Variants in INPP4B observed in about 807,000 individuals in gnomAD.
The protein encoded by INPP4B is inositol polyphosphate 4-phosphatase type II.
A neutral mutation model predicts 122.5 loss-of-function variants in INPP4B; 55 were observed. The ratio of observed to expected loss-of-function variants is 0.45; its 90% CI spans 0.36 to 0.56. The LOEUF is 0.56. Ranked by LOEUF, INPP4B falls within the 20% of genes least tolerant of loss-of-function variation. The pLI, the probability that INPP4B is intolerant of heterozygous loss-of-function variation, is 0.00. For missense variants in INPP4B, 1,000 were observed against 1,097.7 expected, an observed-to-expected ratio of 0.91 and a Z score of 1.26; for synonymous variants, 403 against 388.7, an observed-to-expected ratio of 1.04 and a Z score of -0.43.
At chr4:142,147,594 T>C (rs562505109) in intron 17 of INPP4B, among the ~76,000 whole-genome samples, 1 of 152,304 alleles carries the variant, frequency 6.6e-6, no homozygotes, top group African/African-American at 2.4e-5. Flanking sequence ...GGGAGCCAAA[T>C]GCTGTGTTTT....
At chr4:142,053,474 A>G (rs1755762696) in intron 25 of INPP4B, among the ~76,000 whole-genome samples, 1 of 152,080 alleles carries the variant, frequency 6.6e-6, no homozygotes, top group African/African-American at 2.4e-5. Flanking sequence ...CACTGGTGAT[A>G]TTGGTACTAG....
rs1748542046 is a variant in INPP4B at position 142,042,539 on chromosome 4, T to C, written c.2643-13625A>G. ...GTGTGTATGTATGTATGTATGTATGTATGTATGTATGTATGTATGTATTTA... is the reference window on the plus strand; with the variant it reads ...GTGTGTATGTATGTATGTATGTATGCATGTATGTATGTATGTATGTATTTA... On this transcript the variant is annotated intron_variant, in intron 25 of 25. Coordinates refer to ENST00000262992, the MANE Select transcript of INPP4B (RefSeq NM_001101669.3). Among the ~76,000 whole-genome samples, 5 of 92,432 alleles carry C rather than the reference T, an allele frequency of 5.4e-5. No homozygotes were observed. In the South Asian group the frequency reaches 1.7e-3, roughly 31 times the overall value. 60.6% of individuals were successfully genotyped at this position (92,432 alleles called of 152,430 possible).
At chr4:142,357,357 T>C (rs1783951534) in intron 7 of INPP4B, among the ~76,000 whole-genome samples, 1 of 151,980 alleles carries the variant, frequency 6.6e-6, no homozygotes, top group African/African-American at 2.4e-5. Context: ...TAGAATTAAA[T>C]TGCTGAACAC....
intron 1 of INPP4B, among the ~76,000 whole-genome samples, chr4:142,788,019 C>T (rs1775990457): frequency 6.6e-6 from 1 of 151,946 alleles, no homozygotes; most frequent in Non-Finnish European, 1.5e-5. Flanking sequence ...ATGGGAGCAA[C>T]TGGATTGCTT....
At chr4:142,656,467 C>G (rs372865855) in intron 2 of INPP4B, among the ~76,000 whole-genome samples, 35 of 152,256 alleles carry the variant, frequency 2.3e-4, no homozygotes, top group African/African-American at 7.9e-4. Context: ...ACCCCTACCC[C>G]CTGTGGATCC....
Position 142,134,797 on chromosome 4 carries a change from C to CAA in INPP4B, c.1721-10039_1721-10038dup, listed in dbSNP as rs58297348. 1.2e-3 allele frequency among the ~76,000 whole-genome samples: 64 copies of CAA among 51,232 alleles called. 1 individual carries two copies. Among genetic ancestry groups the CAA allele is most frequent in the East Asian group, 2.3e-3 (3 of 1,322 alleles). 33.6% of individuals were successfully genotyped at this position (51,232 alleles called of 152,430 possible). ...GGGCAACAAGAGCGAAACTCTGTCT[C>CAA]AAAAAAAAAAAAAAAAAAAAAAAAA... On this transcript the variant is annotated intron_variant, in intron 18 of 25. Coordinates refer to ENST00000262992, the MANE Select transcript of INPP4B (RefSeq NM_001101669.3).
intron 2 of INPP4B, among the ~76,000 whole-genome samples, chr4:142,491,106 G>C (rs1269923325): frequency 6.6e-6 from 1 of 152,036 alleles, no homozygotes; most frequent in Non-Finnish European, 1.5e-5. Context: ...GGATCATAAG[G>C]TAGTTCTATT....
intron 7 of INPP4B, among the ~76,000 whole-genome samples, chr4:142,352,236 A>G (rs1040107695): frequency 1.3e-5 from 2 of 151,990 alleles, no homozygotes; most frequent in African/African-American, 4.8e-5. Flanking sequence ...AGCAAAGCCT[A>G]ATCAAGTTGA....
chr4:142,784,096 C>T (rs1357682329), intron 1 of INPP4B, among the ~76,000 whole-genome samples: 1 of 152,110 alleles, frequency 6.6e-6, no homozygotes, highest in African/African-American at 2.4e-5. Context: ...GGCACAGTGG[C>T]TCATGCTTAT....
intron 1 of INPP4B, among the ~76,000 whole-genome samples, chr4:142,829,708 T>C (rs1781881548): frequency 6.6e-6 from 1 of 152,178 alleles, no homozygotes; most frequent in African/African-American, 2.4e-5. Context: ...CAAGTTGAAA[T>C]TGTATAACAT....
At chr4:142,611,630 C>CTTTT (rs1560863610) in intron 2 of INPP4B, among the ~76,000 whole-genome samples, 1 of 90,734 alleles carries the variant, frequency 1.1e-5, no homozygotes, top group African/African-American at 4.1e-5. Context: ...TCTGTTTTTT[C>CTTTT]TTTTTTCTTT....
chr4:142,238,725 T>C (rs1408755889), intron 11 of INPP4B, among the ~76,000 whole-genome samples: 1 of 152,112 alleles, frequency 6.6e-6, no homozygotes, highest in Non-Finnish European at 1.5e-5. Flanking sequence ...AACAAGGTCA[T>C]GTAACCACAA....
intron 1 of INPP4B, among the ~76,000 whole-genome samples, chr4:142,759,428 A>G (rs1388596409): frequency 6.6e-6 from 1 of 152,148 alleles, no homozygotes; most frequent in Non-Finnish European, 1.5e-5. Context: ...AAACTCTATT[A>G]GAGAACTAGT....
At chr4:142,315,326 G>A (rs1174187047) in intron 7 of INPP4B, among the ~76,000 whole-genome samples, 1 of 152,002 alleles carries the variant, frequency 6.6e-6, no homozygotes, top group Non-Finnish European at 1.5e-5. Flanking sequence ...AGAATTCTGG[G>A]CCAAATTAAC....
At chr4:142,127,020 T>C (rs950846365) in intron 18 of INPP4B, among the ~76,000 whole-genome samples, 1 of 152,204 alleles carries the variant, frequency 6.6e-6, no homozygotes, top group Non-Finnish European at 1.5e-5. Context: ...TGCTTAGCTC[T>C]GTAGAGATTT....
At chr4:142,824,850 T>C (rs1781261658) in intron 1 of INPP4B, among the ~76,000 whole-genome samples, 1 of 152,134 alleles carries the variant, frequency 6.6e-6, no homozygotes, top group Non-Finnish European at 1.5e-5. Flanking sequence ...ATTTCTATAA[T>C]ATAAATTGGA....
chr4:142,822,543 C>T (rs1159818872), intron 1 of INPP4B, among the ~76,000 whole-genome samples: 1 of 152,108 alleles, frequency 6.6e-6, no homozygotes, highest in Non-Finnish European at 1.5e-5. Context: ...TGCAGGGGAT[C>T]TGGGATGCAC....
At chr4:142,579,857 GGATAGATA>G (rs10541845) in intron 2 of INPP4B, among the ~76,000 whole-genome samples, 9 of 130,554 alleles carry the variant, frequency 6.9e-5, no homozygotes, top group African/African-American at 1.5e-4. Context: ...TTGGATGAAT[GGATAGATA>G]GATAGATAGG....
At chr4:142,784,405 AAAT>A (rs1189475068) in intron 1 of INPP4B, among the ~76,000 whole-genome samples, 23 of 149,868 alleles carry the variant, frequency 1.5e-4, no homozygotes, top group South Asian at 4.2e-4. Flanking sequence ...ATAAATAAAT[AAAT>A]AAAAATTAAA....
Sources: gnomAD v4.1 joint callset for allele counts (sites outside exome capture counted in the v4.1 genomes callset) on GRCh38, gnomAD v4.1.1 for gene constraint, MANE v1.5 for transcripts, NCBI Gene and HGNC (gene_info 2026-07-23, HGNC 2026-07-21) for gene names.